Variants in AKAP3 observed in about 807,000 individuals in gnomAD.
AKAP3 encodes the protein A-kinase anchor protein 3.
A neutral mutation model predicts 57.2 loss-of-function variants in AKAP3; 27 were observed. The observed-to-expected ratio is 0.47, with a 90% CI of 0.35 to 0.65. AKAP3 has a LOEUF of 0.65. Ranked by LOEUF, AKAP3 falls within the 30% of genes least tolerant of loss-of-function variation. AKAP3 has a pLI of 0.01. For missense variants in AKAP3, 959 were observed against 1,040.0 expected (o/e 0.92, Z 1.07); for synonymous variants, 334 against 392.3 (o/e 0.85, Z 1.76).
rs1945436324 is a variant in AKAP3, at chr12:4,627,570, A to G, written c.1332T>C (p.Thr444=). Residue 444 remains threonine (T), a synonymous_variant, in exon 5 of 6, where the codon ACT becomes ACC. Coordinates refer to ENST00000228850, the MANE Select transcript of AKAP3 (RefSeq NM_001278309.2). The part of the protein sequence containing the change: ...MYSEPKSEEE[T]CAKTLGEHII... ...TGTGCTCACCCAGAGTTTTCGCACA[A>G]GTCTCCTCCTCTGATTTGGGTTCAG... is the stretch of plus-strand genomic sequence containing the variant. The G allele has an allele frequency of 6.2e-7, 1 of 1,614,056 alleles. No homozygotes were observed. Among genetic ancestry groups the G allele is most frequent in the African/African-American group, 1.3e-5 (1 of 74,936 alleles).
At chr12:4,646,571 C>T (rs993994652) in intron 1 of AKAP3, among the ~76,000 whole-genome samples, 1 of 151,768 alleles carries the variant, frequency 6.6e-6, no homozygotes, top group African/African-American at 2.4e-5. Context: ...ACTCGGGAGA[C>T]TGAGGCAGGA....
Position 4,627,691 on chromosome 12 carries a change from T to TA in AKAP3, c.1210dup (p.Tyr404LeufsTer11). The TA allele has an allele frequency of 6.2e-7, 1 of 1,614,136 alleles. No homozygotes were observed. The highest frequency in any genetic ancestry group is 2.2e-5 in the East Asian group (1 of 44,892). ...CATTCCTTTCATGGAGATGAGGGAA[T>TA]AACTCTCAGCCTTGTCTTGGGCTTT... is the stretch of plus-strand genomic sequence containing the variant. On this transcript the variant is annotated frameshift_variant, in exon 5 of 6. Transcript: ENST00000228850. LOFTEE classifies it high-confidence loss of function.
Position 4,615,644 on chromosome 12 carries a change from G to A in AKAP3, c.*95C>T. The A allele has an allele frequency of 7.0e-7, 1 of 1,427,638 alleles. No homozygotes were observed. The highest frequency in any genetic ancestry group is 9.6e-7 in the Non-Finnish European group (1 of 1,043,338). The allele number at this position is 1,427,638 out of a possible 1,614,324, so 88.4% of individuals were successfully genotyped here. A position where few individuals can be genotyped will look rare whatever the true frequency, so the allele number is the denominator to read the frequency against. On this transcript the variant is annotated 3_prime_UTR_variant, in exon 6 of 6. Coordinates refer to ENST00000228850, the MANE Select transcript of AKAP3 (RefSeq NM_001278309.2). ...TGTGAAGATAATGTTAGGGCTCTGTGAGGATATAGAGGGGGAGATGTGGAA... is the reference window on the plus strand; with the variant it reads ...TGTGAAGATAATGTTAGGGCTCTGTAAGGATATAGAGGGGGAGATGTGGAA...
At chr12:4,619,033 T>A (rs1945316774) in intron 5 of AKAP3, among the ~76,000 whole-genome samples, 1 of 152,186 alleles carries the variant, frequency 6.6e-6, no homozygotes, top group South Asian at 2.1e-4. Flanking sequence ...CACTAAAGAA[T>A]ATATATGAAT....
chr12:4,627,337 G>C lies in AKAP3; in HGVS notation c.1565C>G (p.Ser522Cys), dbSNP rs766908072. Reference protein sequence around the residue: ...KPENFMYDSDSWAEDLIVSAL... With the variant: ...KPENFMYDSDCWAEDLIVSAL... Reference sequence around the variant, plus strand: ...AGACACGATCAGGTCCTCGGCCCAGGAGTCTGAATCATACATAAAATTCTC... The same window carrying C: ...AGACACGATCAGGTCCTCGGCCCAGCAGTCTGAATCATACATAAAATTCTC... Residue 522 changes from serine to cysteine, a missense_variant, in exon 5 of 6, where the codon TCC (serine) becomes TGC (cysteine). By Grantham distance (112) the Ser-to-Cys change is moderately radical. Coordinates refer to ENST00000228850, the MANE Select transcript of AKAP3 (RefSeq NM_001278309.2). The C allele has an allele frequency of 4.3e-6, 7 of 1,614,102 alleles. No individual in the cohort carries two copies. The South Asian group carries it at 5.5e-5, about 13-fold the overall frequency.
intron 4 of AKAP3, chr12:4,635,899 T>C (rs1591532496): frequency 2.8e-6 from 2 of 713,442 alleles, no homozygotes; most frequent in East Asian, 5.5e-5. Flanking sequence ...CTTAGATCTC[T>C]CCATTTTTTC....
At chr12:4,631,380 C>G (rs1945496162) in intron 4 of AKAP3, 1 of 697,676 alleles carries the variant, frequency 1.4e-6, no homozygotes, top group African/African-American at 1.8e-5. Flanking sequence ...GATGTCCGGA[C>G]AGGTGAGTTT....
intron 4 of AKAP3, among the ~76,000 whole-genome samples, chr12:4,632,936 G>A (rs767593812): frequency 5.2e-4 from 79 of 152,118 alleles, no homozygotes; most frequent in Middle Eastern, 3.4e-3. Flanking sequence ...CACCATGCCC[G>A]GCCCCCTTTG....
At chr12:4,641,163 C>T (rs575149058) in intron 3 of AKAP3, among the ~76,000 whole-genome samples, 10 of 147,470 alleles carry the variant, frequency 6.8e-5, no homozygotes, top group Non-Finnish European at 1.0e-4. Context: ...ACATCTGCCT[C>T]CCAGGATGCT....
At chr12:4,620,397 A>G (rs1945331743) in intron 5 of AKAP3, among the ~76,000 whole-genome samples, 1 of 149,532 alleles carries the variant, frequency 6.7e-6, no homozygotes, top group Non-Finnish European at 1.5e-5. Flanking sequence ...GAATCGCTTG[A>G]ACCTGGGGGG....
chr12:4,646,213 A>G (rs1387546648), intron 1 of AKAP3, among the ~76,000 whole-genome samples: 1 of 152,142 alleles, frequency 6.6e-6, no homozygotes, highest in Non-Finnish European at 1.5e-5. Flanking sequence ...TTATTACTAC[A>G]TTCTCTGAAA....
intron 4 of AKAP3, 80 bp downstream of exon 4, chr12:4,638,021 T>G (rs1945587596): frequency 8.5e-7 from 1 of 1,169,732 alleles, no homozygotes; most frequent in Non-Finnish European, 1.3e-6. Context: ...AGGTTGGTGG[T>G]ATGGTGGAGA....
intron 1 of AKAP3, chr12:4,645,421 T>C (rs1226821031): frequency 2.0e-5 from 3 of 152,144 alleles, no homozygotes; most frequent in Non-Finnish European, 2.9e-5. Flanking sequence ...TGAAAGACAA[T>C]TTTTCCACGG....
chr12:4,624,410 T>A (rs1945385640), intron 5 of AKAP3, among the ~76,000 whole-genome samples: 1 of 151,070 alleles, frequency 6.6e-6, no homozygotes, highest in Non-Finnish European at 1.5e-5. Context: ...AATTTTTTTC[T>A]CCAGGGAAGG....
intron 3 of AKAP3, among the ~76,000 whole-genome samples, chr12:4,641,536 T>TA (rs1945637945): frequency 6.6e-6 from 1 of 152,238 alleles, no homozygotes; most frequent in South Asian, 2.1e-4. Flanking sequence ...GTTAATGTTT[T>TA]GTTATCTTAA....
chr12:4,615,960 C>T, intron 5 of AKAP3, 66 bp from the exon 6 acceptor site: 1 of 1,597,452 alleles, frequency 6.3e-7, no homozygotes, highest in South Asian at 1.1e-5. Context: ...ATGGAGCCTG[C>T]CAAGGCTGGA....
chr12:4,643,208 T>C (rs2137450918), intron 2 of AKAP3, among the ~76,000 whole-genome samples: 1 of 152,336 alleles, frequency 6.6e-6, no homozygotes, highest in East Asian at 1.9e-4. Flanking sequence ...ATGAGTGGGT[T>C]TAGCTGCATC....
At chr12:4,638,249 G>A in intron 3 of AKAP3, 53 bp from the exon 4 acceptor site, 1 of 1,268,078 alleles carries the variant, frequency 7.9e-7, no homozygotes, top group Non-Finnish European at 1.1e-6. Context: ...CAGATTTTAT[G>A]AAAGTAAGAA....
rs115814863 is a variant in AKAP3 at position 4,629,203 on chromosome 12, A to G, written c.97-398T>C. On this transcript the variant is annotated intron_variant, in intron 4 of 5. Coordinates refer to ENST00000228850, the MANE Select transcript of AKAP3 (RefSeq NM_001278309.2). ...AGTATACTATGTTGCTTCTAATGAC[A>G]TATATCTTTAAGATTGGATAGTCTG... Among the ~76,000 whole-genome samples, 501 of 152,316 alleles carry G rather than the reference A, an allele frequency of 3.3e-3. 3 individuals carry two copies. The highest frequency in any genetic ancestry group is 0.011 in the African/African-American group (465 of 41,578).
Sources: gnomAD v4.1 joint callset for allele counts (sites outside exome capture counted in the v4.1 genomes callset) on GRCh38, gnomAD v4.1.1 for gene constraint, MANE v1.5 for transcripts, NCBI Gene and HGNC (gene_info 2026-07-23, HGNC 2026-07-21) for gene names.